The following IFT88 variants were observed in gnomAD, a reference collection of about 807,000 sequenced individuals.
IFT88 encodes intraflagellar transport protein 88 homolog.
IFT88 carries 74 observed loss-of-function variants against 119.5 expected under a neutral mutation model. That is an observed-to-expected ratio of 0.62 (90% CI 0.51 to 0.75). The LOEUF (loss-of-function observed/expected upper bound fraction) is 0.75, where lower values mean the gene tolerates loss of function less well. Among genes scored for constraint, IFT88 ranks in the 30% least tolerant of loss-of-function variants. The pLI, the probability that IFT88 is intolerant of heterozygous loss-of-function variation, is 0.00. For missense variants in IFT88, 961 were observed against 977.7 expected (o/e 0.98, Z 0.23); for synonymous variants, 279 against 316.7 (o/e 0.88, Z 1.26).
intron 7 of IFT88, among the ~76,000 whole-genome samples, chr13:20,594,444 C>A (rs2041285343): frequency 1.3e-5 from 2 of 152,138 alleles, no homozygotes; most frequent in African/African-American, 4.8e-5. Context: ...GAATGAGATT[C>A]TCTTGACTTG....
intron 11 of IFT88, 97 bp downstream of exon 11, chr13:20,599,662 A>C: frequency 1.6e-6 from 1 of 628,272 alleles, no homozygotes; most frequent in South Asian, 2.1e-5. Context: ...GAACATTTCA[A>C]AGTGTTTGTA....
At chr13:20,678,347 A>G (rs1050372061) in intron 24 of IFT88, among the ~76,000 whole-genome samples, 1 of 152,236 alleles carries the variant, frequency 6.6e-6, no homozygotes, top group Non-Finnish European at 1.5e-5. Context: ...CAGGGGGCTG[A>G]CAGCCGTCAG....
In IFT88 at chr13:20,607,541, T is replaced by C. The variant is rs1430068040; in HGVS notation, c.1112+2436T>C. On this transcript the variant is annotated intron_variant, in intron 13 of 25. Transcript: ENST00000351808. The stretch of plus-strand genomic sequence containing the variant: ...AGGCCGCCACGCTGTGCTTCTTGTT[T>C]CAGAACATTTTCTCCAAAAAGATCT... 7.0e-6 allele frequency: 5 copies of C among 710,514 alleles called. No individual in the cohort carries two copies. In the African/African-American group the frequency reaches 8.8e-5, roughly 12 times the overall value. 44.0% of individuals were successfully genotyped at this position (710,514 alleles called of 1,614,324 possible).
At chr13:20,671,477 G>A (rs1246726691) in intron 24 of IFT88, among the ~76,000 whole-genome samples, 1 of 152,182 alleles carries the variant, frequency 6.6e-6, no homozygotes, top group Non-Finnish European at 1.5e-5. Flanking sequence ...TAGGAATTAG[G>A]AGACATAGTG....
intron 7 of IFT88, among the ~76,000 whole-genome samples, chr13:20,594,356 A>G (rs1252706031): frequency 6.6e-6 from 1 of 152,176 alleles, no homozygotes; most frequent in African/African-American, 2.4e-5. Context: ...GCAGCCCTGT[A>G]CCTGAAGCAG....
chr13:20,592,254 TA>T, intron 6 of IFT88, 80 bp from the exon 7 acceptor site: 2 of 987,480 alleles, frequency 2.0e-6, no homozygotes, highest in Non-Finnish European at 3.1e-6. Flanking sequence ...TGAAATAGCT[TA>T]TGCGAGGTTT....
chr13:20,568,869 C>T (rs1190830404), intron 1 of IFT88, among the ~76,000 whole-genome samples: 2 of 151,996 alleles, frequency 1.3e-5, no homozygotes, highest in Non-Finnish European at 2.9e-5. Flanking sequence ...TACAGGCGCC[C>T]GCCACCATGC....
chr13:20,687,532 C>T (rs1051893757), intron 24 of IFT88, among the ~76,000 whole-genome samples: 11 of 152,160 alleles, frequency 7.2e-5, no homozygotes, highest in Admixed American at 2.6e-4. Context: ...CAAGTCACTT[C>T]ACTTCACTAT....
intron 1 of IFT88, among the ~76,000 whole-genome samples, chr13:20,569,039 G>A (rs2035626512): frequency 6.6e-6 from 1 of 151,918 alleles, no homozygotes; most frequent in South Asian, 2.1e-4. Flanking sequence ...ACCTTTTGAA[G>A]CTATTTTGGA....
At chr13:20,656,474 A>G (rs1202682451) in intron 22 of IFT88, 44 bp downstream of exon 22, 7 of 906,840 alleles carry the variant, frequency 7.7e-6, no homozygotes, top group Non-Finnish European at 1.2e-5. Flanking sequence ...ATAAGTTCTC[A>G]TATTTTATGT....
chr13:20,690,890 C>T, intron 25 of IFT88, 75 bp downstream of exon 25: 1 of 1,383,004 alleles, frequency 7.2e-7, no homozygotes, highest in Non-Finnish European at 1.0e-6. Flanking sequence ...AAAGGTGTTG[C>T]TGGGAATTCT....
At chr13:20,590,023 A>T (rs1464654531) in intron 4 of IFT88, among the ~76,000 whole-genome samples, 156 bp downstream of exon 4, 2 of 152,212 alleles carry the variant, frequency 1.3e-5, no homozygotes, top group Admixed American at 1.3e-4. Flanking sequence ...AGTGTGATTA[A>T]TAAATTTGAA....
At chr13:20,579,260 G>A (rs866200531) in intron 2 of IFT88, among the ~76,000 whole-genome samples, 1 of 152,156 alleles carries the variant, frequency 6.6e-6, no homozygotes, top group Middle Eastern at 3.2e-3. Flanking sequence ...CCCTGGGTGG[G>A]TCCAGAGATG....
chr13:20,673,355 A>G (rs1018011254), intron 24 of IFT88, among the ~76,000 whole-genome samples: 1 of 152,160 alleles, frequency 6.6e-6, no homozygotes, highest in Non-Finnish European at 1.5e-5. Flanking sequence ...GTGATAGAAC[A>G]CCCGAAAAAC....
chr13:20,631,201 G>T (rs2048157471), intron 16 of IFT88, 99 bp downstream of exon 16: 4 of 788,246 alleles, frequency 5.1e-6, no homozygotes, highest in Admixed American at 1.9e-5. Context: ...AAGAATATTG[G>T]TGGAGAATGG....
chr13:20,626,419 T>C (rs1196138844), intron 15 of IFT88, among the ~76,000 whole-genome samples: 1 of 152,160 alleles, frequency 6.6e-6, no homozygotes, highest in East Asian at 1.9e-4. Context: ...TTATAAACCA[T>C]ATTCTATTCC....
intron 23 of IFT88, among the ~76,000 whole-genome samples, chr13:20,666,314 T>A (rs942413756): frequency 1.3e-5 from 2 of 152,356 alleles, no homozygotes; most frequent in South Asian, 2.1e-4. Context: ...AGAAAAATGA[T>A]CCTGCACTTG....
intron 16 of IFT88, among the ~76,000 whole-genome samples, chr13:20,633,496 C>A (rs569019796): frequency 2.6e-5 from 4 of 152,338 alleles, no homozygotes; most frequent in African/African-American, 9.6e-5. Flanking sequence ...TCCAGCACCT[C>A]TGACGGGCAA....
chr13:20,662,846 T>A (rs2054041847), intron 22 of IFT88, among the ~76,000 whole-genome samples: 3 of 152,206 alleles, frequency 2.0e-5, no homozygotes, highest in African/African-American at 7.2e-5. Context: ...AACAATACCA[T>A]TTTTATAAGA....
Sources: gnomAD v4.1 joint callset for allele counts (sites outside exome capture counted in the v4.1 genomes callset) on GRCh38, gnomAD v4.1.1 for gene constraint, MANE v1.5 for transcripts, NCBI Gene and HGNC (gene_info 2026-07-23, HGNC 2026-07-21) for gene names.